The following ZPLD1 variants were observed in gnomAD, a reference collection of about 807,000 sequenced individuals.
ZPLD1 encodes the protein zona pellucida-like domain-containing protein 1.
Under a neutral mutation model 47.2 loss-of-function variants are expected in ZPLD1, and 34 were observed. The observed-to-expected ratio is 0.72, with a 90% CI of 0.55 to 0.96. The LOEUF (loss-of-function observed/expected upper bound fraction) is 0.96, where lower values mean the gene tolerates loss of function less well. Among genes scored for constraint, ZPLD1 ranks in the 40% least tolerant of loss-of-function variants. The pLI is 0.00. For synonymous variants in ZPLD1, 176 were observed against 186.2 expected (o/e 0.95, Z 0.45); for missense variants, 512 against 505.8 (o/e 1.01, Z -0.12).
At chr3:102,457,281 A>G (rs1533934) in intron 5 of ZPLD1, among the ~76,000 whole-genome samples, 22,113 of 152,212 alleles carry the variant, frequency 0.15, 2,108 homozygotes, top group Middle Eastern at 0.24. Context: ...AGTCAAAACA[A>G]TATGGGTGTA....
At chr3:102,415,955 G>C (rs1344018215) in intron 7 of ZPLD1, among the ~76,000 whole-genome samples, 1 of 151,846 alleles carries the variant, frequency 6.6e-6, no homozygotes, top group Non-Finnish European at 1.5e-5. Flanking sequence ...TTCTGCACAG[G>C]ATAACTCCTC....
chr3:102,437,098 G>A (rs1002880932), intron 2 of ZPLD1, 125 bp downstream of exon 2: 10 of 315,092 alleles, frequency 3.2e-5, no homozygotes, highest in African/African-American at 9.0e-5. Flanking sequence ...TAATGATGGC[G>A]CAGGTATGGC....
At position 102,479,617 on chromosome 3, in the gene ZPLD1, A is replaced by G. The variant is rs570800999; in HGVS notation, c.*1999A>G. ...AAATGGAAGAATCAGAGTTATAATGAGATAAACCAGGTCTGTTTTTTACAA... is the reference window on the plus strand; with the variant it reads ...AAATGGAAGAATCAGAGTTATAATGGGATAAACCAGGTCTGTTTTTTACAA... On this transcript the variant is annotated 3_prime_UTR_variant, in exon 12 of 12. Transcript: ENST00000466937. The G allele has an allele frequency of 6.6e-6, 1 of 152,290 alleles. No individual in the cohort carries two copies. The highest frequency in any genetic ancestry group is 1.9e-4 in the East Asian group (1 of 5,184). 9.4% of individuals were successfully genotyped at this position (152,290 alleles called of 1,614,324 possible). A position where few individuals can be genotyped will look rare whatever the true frequency, so the allele number is the denominator to read the frequency against.
At chr3:102,428,516 G>T (rs1368955987) in intron 8 of ZPLD1, among the ~76,000 whole-genome samples, 1 of 151,690 alleles carries the variant, frequency 6.6e-6, no homozygotes, top group Non-Finnish European at 1.5e-5. Flanking sequence ...TTTTTAAGTG[G>T]CCTTTGAAAA....
intron 8 of ZPLD1, among the ~76,000 whole-genome samples, chr3:102,426,645 T>C (rs991467906): frequency 6.6e-6 from 1 of 152,176 alleles, no homozygotes. Flanking sequence ...ATCCATAAAA[T>C]AGAAGCAATT....
intron 3 of ZPLD1, 120 bp from the exon 4 acceptor site, chr3:102,452,799 C>A: frequency 1.8e-6 from 2 of 1,138,278 alleles, no homozygotes; most frequent in Non-Finnish European, 2.5e-6. Flanking sequence ...TATGGTGTAT[C>A]AAATATAAAA....
At chr3:102,435,595 T>G (rs1435499794) in intron 1 of ZPLD1, among the ~76,000 whole-genome samples, 3 of 152,148 alleles carry the variant, frequency 2.0e-5, no homozygotes, top group Non-Finnish European at 2.9e-5. Flanking sequence ...TATACTATAC[T>G]TTATGCACTT....
At position 102,436,959 on chromosome 3, in the gene ZPLD1, G is replaced by C. The variant is rs1253982087; in HGVS notation, c.-23G>C. On this transcript the variant is annotated 5_prime_UTR_variant, in exon 2 of 12. Coordinates refer to ENST00000466937, the MANE Select transcript of ZPLD1 (RefSeq NM_001329788.2). Reference sequence around the variant, plus strand: ...CATGAGAAGGAAGTGGTGGAGCATGGAGCATGGAATAAATGTGGGTGCAGT... The same window carrying C: ...CATGAGAAGGAAGTGGTGGAGCATGCAGCATGGAATAAATGTGGGTGCAGT... 4.1e-6 allele frequency: 4 copies of C among 985,176 alleles called. No homozygotes were observed. The highest frequency in any genetic ancestry group is 4.8e-6 in the Non-Finnish European group (4 of 829,770). 61.0% of individuals were successfully genotyped at this position (985,176 alleles called of 1,614,324 possible).
chr3:102,425,071 A>G (rs564619210), intron 8 of ZPLD1, among the ~76,000 whole-genome samples: 1 of 152,156 alleles, frequency 6.6e-6, no homozygotes, highest in South Asian at 2.1e-4. Context: ...AAGTTCAAAT[A>G]TTACATACAG....
At chr3:102,432,913 T>C (rs1239667515), upstream of ZPLD1, among the ~76,000 whole-genome samples, 1 of 152,212 alleles carries the variant, frequency 6.6e-6, no homozygotes, top group Admixed American at 6.5e-5. Flanking sequence ...TCTGACCACT[T>C]TATTTAAAAC....
chr3:102,458,297 T>C (rs1489334473), intron 6 of ZPLD1, among the ~76,000 whole-genome samples: 1 of 152,218 alleles, frequency 6.6e-6, no homozygotes, highest in East Asian at 1.9e-4. Flanking sequence ...ATATGGGTTT[T>C]GGCTGATGAC....
chr3:102,390,739 A>C (rs955793445), intron 6 of ZPLD1, among the ~76,000 whole-genome samples: 33 of 152,202 alleles, frequency 2.2e-4, no homozygotes, highest in Non-Finnish European at 3.7e-4. Context: ...AGTGGTGCAC[A>C]CCACAGCCTG....
intron 10 of ZPLD1, 70 bp downstream of exon 10, chr3:102,470,572 G>C: frequency 5.4e-6 from 7 of 1,286,128 alleles, no homozygotes; most frequent in Non-Finnish European, 7.8e-6. Context: ...GGCTTCTAAC[G>C]AGAACTCAAA....
chr3:102,425,616 A>T (rs893800637), intron 8 of ZPLD1, among the ~76,000 whole-genome samples: 2 of 152,112 alleles, frequency 1.3e-5, no homozygotes, highest in African/African-American at 4.8e-5. Flanking sequence ...TTCAGATCCC[A>T]AAGAACATTT....
At chr3:102,476,828 G>A (rs1707764502) in intron 10 of ZPLD1, among the ~76,000 whole-genome samples, 184 bp from the exon 11 acceptor site, 1 of 151,964 alleles carries the variant, frequency 6.6e-6, no homozygotes, top group Non-Finnish European at 1.5e-5. Flanking sequence ...TATGAAACAG[G>A]GCATGGACAA....
chr3:102,446,841 T>C (rs751027880), intron 3 of ZPLD1, among the ~76,000 whole-genome samples: 11 of 152,220 alleles, frequency 7.2e-5, no homozygotes, highest in Non-Finnish European at 1.3e-4. Flanking sequence ...CTGTCTTCTT[T>C]ATTCAGTAAG....
At chr3:102,429,894 T>G (rs1249834661) in intron 8 of ZPLD1, among the ~76,000 whole-genome samples, 1 of 152,234 alleles carries the variant, frequency 6.6e-6, no homozygotes, top group Non-Finnish European at 1.5e-5. Flanking sequence ...AGTCCTAGTT[T>G]CTGAGAATGT....
intron 7 of ZPLD1, among the ~76,000 whole-genome samples, chr3:102,414,176 C>A (rs1706778175): frequency 6.6e-6 from 1 of 151,732 alleles, no homozygotes; most frequent in African/African-American, 2.4e-5. Flanking sequence ...AAGGGATTCT[C>A]AATTTAACTA....
chr3:102,390,224 C>A (rs1301685223), intron 6 of ZPLD1, among the ~76,000 whole-genome samples: 1 of 152,072 alleles, frequency 6.6e-6, no homozygotes, highest in Admixed American at 6.5e-5. Flanking sequence ...ATTTTAGGCC[C>A]TAACAAATAA....
Sources: gnomAD v4.1 joint callset for allele counts (sites outside exome capture counted in the v4.1 genomes callset) on GRCh38, gnomAD v4.1.1 for gene constraint, MANE v1.5 for transcripts, NCBI Gene and HGNC (gene_info 2026-07-23, HGNC 2026-07-21) for gene names.